The following SPAG16 variants were observed in gnomAD, a reference collection of about 807,000 sequenced individuals.
SPAG16 encodes sperm associated antigen 16.
SPAG16 carries 86 observed loss-of-function variants against 80.4 expected under a neutral mutation model. The ratio of observed to expected loss-of-function variants is 1.07; its 90% CI spans 0.90 to 1.28. The LOEUF (loss-of-function observed/expected upper bound fraction) is 1.28, where lower values mean the gene tolerates loss of function less well. Among genes scored for constraint, SPAG16 ranks in the 50% most tolerant of loss-of-function variants. The probability of loss-of-function intolerance (pLI) is 0.00; values close to 1 mark genes in which losing one functional copy is unlikely to be tolerated. For missense variants in SPAG16, 870 were observed against 765.3 expected (o/e 1.14, Z -1.61); for synonymous variants, 294 against 265.9 (o/e 1.11, Z -1.03).
chr2:213,704,556 T>C (rs534073723), intron 10 of SPAG16, among the ~76,000 whole-genome samples: 1 of 152,084 alleles, frequency 6.6e-6, no homozygotes, highest in South Asian at 2.1e-4. Context: ...TTTGTTGGAG[T>C]AGGCACCCCA....
At chr2:214,339,107 C>T (rs1264924239) in intron 15 of SPAG16, among the ~76,000 whole-genome samples, 2 of 152,116 alleles carry the variant, frequency 1.3e-5, no homozygotes, top group Non-Finnish European at 2.9e-5. Context: ...CTGATAATTG[C>T]TTATGCTCAA....
intron 15 of SPAG16, among the ~76,000 whole-genome samples, chr2:214,404,410 G>A (rs1345424438): frequency 6.6e-6 from 1 of 152,192 alleles, no homozygotes; most frequent in Non-Finnish European, 1.5e-5. Context: ...CGTCAGAGAT[G>A]AAAAGGGCCT....
chr2:214,355,321 A>G (rs1373144177), intron 15 of SPAG16, among the ~76,000 whole-genome samples: 441 of 11,528 alleles, frequency 0.038, 6 homozygotes, highest in Non-Finnish European at 0.18. Context: ...AAACAAATTT[A>G]CAAGAAAAAA....
At chr2:213,651,633 C>G (rs2063027570) in intron 10 of SPAG16, among the ~76,000 whole-genome samples, 2 of 152,074 alleles carry the variant, frequency 1.3e-5, no homozygotes, top group Admixed American at 1.3e-4. Flanking sequence ...TTGGCTTCTT[C>G]CCTCTAAATT....
chr2:213,868,200 A>T (rs12474209), intron 11 of SPAG16, among the ~76,000 whole-genome samples: 90,166 of 151,740 alleles, frequency 0.59, 28,675 homozygotes, highest in South Asian at 0.85. Flanking sequence ...TGTAAATGTT[A>T]CTTTAAAATT....
intron 12 of SPAG16, among the ~76,000 whole-genome samples, chr2:213,960,378 A>G (rs770607541): frequency 2.0e-5 from 3 of 151,590 alleles, no homozygotes; most frequent in Non-Finnish European, 4.4e-5. Context: ...TTTTTTAGGG[A>G]CAATTTCTGT....
At chr2:213,419,525 T>C (rs2069466415) in intron 9 of SPAG16, among the ~76,000 whole-genome samples, 1 of 152,104 alleles carries the variant, frequency 6.6e-6, no homozygotes, top group African/African-American at 2.4e-5. Context: ...GTGTAGCACT[T>C]AACACCAGGC....
chr2:214,096,367 G>C (rs3213779), intron 13 of SPAG16, among the ~76,000 whole-genome samples: 14,231 of 151,556 alleles, frequency 0.094, 844 homozygotes, highest in East Asian at 0.29. Context: ...AACTCTGTTC[G>C]GCTCAATCAC....
intron 15 of SPAG16, among the ~76,000 whole-genome samples, chr2:214,309,150 T>C (rs1164034129): frequency 3.3e-5 from 5 of 152,182 alleles, no homozygotes; most frequent in Non-Finnish European, 5.9e-5. Flanking sequence ...GCTTCAAGCT[T>C]TGAGATTCTT....
At chr2:213,914,558 A>G (rs2077859072) in intron 11 of SPAG16, among the ~76,000 whole-genome samples, 1 of 152,166 alleles carries the variant, frequency 6.6e-6, no homozygotes. Flanking sequence ...TTCTCTTTTC[A>G]TTATAACCAG....
At chr2:213,507,545 G>A (rs1343523134) in intron 10 of SPAG16, among the ~76,000 whole-genome samples, 3 of 152,214 alleles carry the variant, frequency 2.0e-5, no homozygotes, top group Admixed American at 2.0e-4. Flanking sequence ...GTAGATGATA[G>A]TCTTTCATTT....
At chr2:213,370,155 A>T (rs892917751) in intron 8 of SPAG16, among the ~76,000 whole-genome samples, 1 of 152,242 alleles carries the variant, frequency 6.6e-6, no homozygotes, top group South Asian at 2.1e-4. Context: ...TATTGCAGTC[A>T]TAAAAGTAAC....
At chr2:214,332,056 A>AGC (rs1256744660) in intron 15 of SPAG16, among the ~76,000 whole-genome samples, 2 of 152,210 alleles carry the variant, frequency 1.3e-5, no homozygotes, top group Non-Finnish European at 2.9e-5. Context: ...GTTCAAGATC[A>AGC]GCATGGCCAA....
chr2:213,735,655 C>T (rs1426930318), intron 10 of SPAG16, among the ~76,000 whole-genome samples: 1 of 152,166 alleles, frequency 6.6e-6, no homozygotes, highest in East Asian at 1.9e-4. Flanking sequence ...CCACGTTCCT[C>T]TCACCAGAAT....
At chr2:213,370,488 C>T (rs2066572238) in intron 8 of SPAG16, among the ~76,000 whole-genome samples, 1 of 152,042 alleles carries the variant, frequency 6.6e-6, no homozygotes, top group Admixed American at 6.6e-5. Context: ...AGAATGTAAT[C>T]AGATATAAAT....
At chr2:213,676,456 G>A (rs1207303699) in intron 10 of SPAG16, among the ~76,000 whole-genome samples, 1 of 149,688 alleles carries the variant, frequency 6.7e-6, no homozygotes, top group Non-Finnish European at 1.5e-5. Flanking sequence ...TCCCTGTCTT[G>A]TGCCAGTTTT....
At chr2:213,910,488 C>CTT (rs746294933) in intron 11 of SPAG16, among the ~76,000 whole-genome samples, 1,168 of 82,344 alleles carry the variant, frequency 0.014, 229 homozygotes, top group African/African-American at 0.038. Context: ...TGTAAGAATT[C>CTT]TTTTTTTTTT....
intron 15 of SPAG16, among the ~76,000 whole-genome samples, chr2:214,209,377 C>A (rs2058229247): frequency 6.6e-6 from 1 of 152,084 alleles, no homozygotes; most frequent in Non-Finnish European, 1.5e-5. Context: ...GTCTCCTGAG[C>A]CATAAAATAA....
intron 15 of SPAG16, among the ~76,000 whole-genome samples, chr2:214,317,292 T>C (rs1401240066): frequency 6.6e-6 from 1 of 152,192 alleles, no homozygotes; most frequent in Admixed American, 6.5e-5. Context: ...TTCTTTCCAC[T>C]TCATTTTACT....
Sources: gnomAD v4.1 joint callset for allele counts (sites outside exome capture counted in the v4.1 genomes callset) on GRCh38, gnomAD v4.1.1 for gene constraint, MANE v1.5 for transcripts, NCBI Gene and HGNC (gene_info 2026-07-23, HGNC 2026-07-21) for gene names.